Variants in TENM4 observed in about 807,000 individuals in gnomAD.
TENM4 encodes teneurin-4.
Under a neutral mutation model 243.3 loss-of-function variants are expected in TENM4, and 82 were observed. That is an observed-to-expected ratio of 0.34 (90% CI 0.28 to 0.40). The LOEUF (loss-of-function observed/expected upper bound fraction) is 0.40. TENM4 is among the 10% of genes least tolerant of loss of function. The probability of loss-of-function intolerance (pLI) is 1.00; values close to 1 mark genes in which losing one functional copy is unlikely to be tolerated. For synonymous variants in TENM4, 1,412 were observed against 1,456.3 expected (o/e 0.97, Z 0.69); for missense variants, 3,138 against 3,673.3 (o/e 0.85, Z 3.77).
At chr11:78,935,513 A>T (rs1856765292) in intron 6 of TENM4, among the ~76,000 whole-genome samples, 1 of 152,244 alleles carries the variant, frequency 6.6e-6, no homozygotes, top group African/African-American at 2.4e-5. Flanking sequence ...TAATTGTACC[A>T]AAGCTAATCG....
intron 12 of TENM4, 72 bp downstream of exon 12, chr11:78,854,032 C>T: frequency 1.4e-6 from 2 of 1,428,578 alleles, no homozygotes; most frequent in Non-Finnish European, 1.9e-6. Context: ...AGTGTCAGTC[C>T]CAGAATCTCC....
chr11:78,937,314 A>G (rs1341604117), intron 6 of TENM4, among the ~76,000 whole-genome samples: 1 of 152,192 alleles, frequency 6.6e-6, no homozygotes, highest in Non-Finnish European at 1.5e-5. Context: ...TTTCAGTGCC[A>G]GCATGTGTTT....
chr11:78,775,167 A>G (rs540110497), intron 17 of TENM4, among the ~76,000 whole-genome samples: 1 of 152,364 alleles, frequency 6.6e-6, no homozygotes, highest in Non-Finnish European at 1.5e-5. Flanking sequence ...TTACTAGAGC[A>G]TTATCCAATT....
chr11:78,758,539 G>C (rs1355592896), intron 18 of TENM4, among the ~76,000 whole-genome samples: 1 of 152,202 alleles, frequency 6.6e-6, no homozygotes, highest in Non-Finnish European at 1.5e-5. Flanking sequence ...GGGAGTAACA[G>C]TGATATACCT....
intron 6 of TENM4, among the ~76,000 whole-genome samples, chr11:78,987,143 G>A (rs573486120): frequency 9.9e-5 from 15 of 152,066 alleles, no homozygotes; most frequent in Non-Finnish European, 2.1e-4. Context: ...TTCCAGCTGG[G>A]TACTTTCGTA....
At chr11:79,106,285 A>C (rs1166629334) in intron 4 of TENM4, among the ~76,000 whole-genome samples, 1 of 152,226 alleles carries the variant, frequency 6.6e-6, no homozygotes, top group Non-Finnish European at 1.5e-5. Flanking sequence ...CTGGGTAATG[A>C]TGCTTTTATT....
chr11:78,703,280 A>T (rs1030334158), intron 27 of TENM4, among the ~76,000 whole-genome samples: 6 of 152,200 alleles, frequency 3.9e-5, no homozygotes, highest in Non-Finnish European at 8.8e-5. Flanking sequence ...GCATAAACGC[A>T]GAATGACAGG....
intron 6 of TENM4, among the ~76,000 whole-genome samples, chr11:78,986,435 C>G (rs1857919949): frequency 6.6e-6 from 1 of 152,234 alleles, no homozygotes; most frequent in African/African-American, 2.4e-5. Context: ...ACATGGGAAC[C>G]TGTCATATTG....
chr11:78,997,742 G>T (rs945211014), intron 6 of TENM4, among the ~76,000 whole-genome samples: 1 of 152,184 alleles, frequency 6.6e-6, no homozygotes, highest in Non-Finnish European at 1.5e-5. Context: ...TTCTGGACTG[G>T]CGTCTATTAT....
intron 6 of TENM4, among the ~76,000 whole-genome samples, chr11:79,060,267 G>A (rs757541323): frequency 2.0e-5 from 3 of 152,316 alleles, no homozygotes; most frequent in Admixed American, 6.5e-5. Context: ...TGAAGGCCCC[G>A]AGTAGGAAGA....
chr11:79,184,127 G>C (rs1863340270), intron 3 of TENM4, among the ~76,000 whole-genome samples: 1 of 152,188 alleles, frequency 6.6e-6, no homozygotes, highest in Admixed American at 6.5e-5. Flanking sequence ...CAGATAACTG[G>C]ATAATGTGAT....
At chr11:78,923,602 A>G (rs1390090135) in intron 6 of TENM4, among the ~76,000 whole-genome samples, 1 of 149,714 alleles carries the variant, frequency 6.7e-6, no homozygotes, top group Non-Finnish European at 1.5e-5. Context: ...TAGTGGTGCA[A>G]TTTTGGCTCA....
At chr11:78,998,404 T>C (rs1858229962) in intron 6 of TENM4, among the ~76,000 whole-genome samples, 1 of 152,192 alleles carries the variant, frequency 6.6e-6, no homozygotes, top group African/African-American at 2.4e-5. Flanking sequence ...TTAGAAATTA[T>C]AGGGGGGATT....
At chr11:78,705,004 G>A (rs530052255) in intron 27 of TENM4, among the ~76,000 whole-genome samples, 2 of 152,294 alleles carry the variant, frequency 1.3e-5, no homozygotes, top group South Asian at 2.1e-4. Context: ...CTGCAAACTC[G>A]CCAGGGCCGC....
chr11:79,091,529 A>G (rs1234230912), intron 4 of TENM4, among the ~76,000 whole-genome samples: 1 of 152,204 alleles, frequency 6.6e-6, no homozygotes, highest in Admixed American at 6.5e-5. Context: ...GTCCCTGCTC[A>G]GAACCTTAAA....
At position 78,695,873 on chromosome 11, in the gene TENM4, G is replaced by A. The variant is rs557569507; in HGVS notation, c.5087+5653C>T. On this transcript the variant is annotated intron_variant, in intron 28 of 33. Coordinates refer to ENST00000278550, the MANE Select transcript of TENM4 (RefSeq NM_001098816.3). The stretch of plus-strand genomic sequence containing the variant: ...GAAATGTGTGTGTGTGTGTGTGTAT[G>A]TACTTATTCTGCTTGGTGTTTTCTG... Among the ~76,000 whole-genome samples, 66 of 148,416 alleles carry A rather than the reference G, an allele frequency of 4.4e-4. 1 individual carries two copies. The South Asian group carries it at 8.6e-3, about 19-fold the overall frequency.
chr11:78,797,617 A>C (rs546605318), intron 15 of TENM4, among the ~76,000 whole-genome samples: 10 of 152,302 alleles, frequency 6.6e-5, no homozygotes, highest in African/African-American at 2.4e-4. Flanking sequence ...GTCTGGGCCC[A>C]ATTTTCCAGT....
chr11:78,801,166 C>G (rs1857273946), intron 15 of TENM4, among the ~76,000 whole-genome samples: 1 of 152,136 alleles, frequency 6.6e-6, no homozygotes, highest in Non-Finnish European at 1.5e-5. Context: ...AACAAAGGGC[C>G]TGGATTTAAT....
In TENM4 at chr11:78,730,470, G is replaced by A. The variant is rs1256917823; in HGVS notation, c.3139-827C>T. On this transcript the variant is annotated intron_variant, in intron 21 of 33. Coordinates refer to ENST00000278550, the MANE Select transcript of TENM4 (RefSeq NM_001098816.3). Reference sequence around the variant, plus strand: ...CAGAGAGAGGTTGGACTGGCTGCACGGAGCTTCTGGCCACTCTGGGCCCCA... The same window carrying A: ...CAGAGAGAGGTTGGACTGGCTGCACAGAGCTTCTGGCCACTCTGGGCCCCA... Among the ~76,000 whole-genome samples the A allele has an allele frequency of 3.3e-5, 5 of 152,182 alleles. No individual in the cohort carries two copies. In the East Asian group the frequency reaches 9.6e-4, roughly 29 times the overall value.
Sources: allele counts gnomAD v4.1 joint callset (sites outside exome capture counted in the v4.1 genomes callset), GRCh38; gene constraint gnomAD v4.1.1; transcripts MANE v1.5; gene names NCBI Gene and HGNC (gene_info 2026-07-23, HGNC 2026-07-21).